ADAMTS12: variants seen among roughly 807,000 people sequenced by gnomAD.
The protein encoded by ADAMTS12 is A disintegrin and metalloproteinase with thrombospondin motifs 12.
Under a neutral mutation model 167.8 loss-of-function variants are expected in ADAMTS12, and 118 were observed. The ratio of observed to expected loss-of-function variants is 0.70; its 90% CI spans 0.61 to 0.82. The LOEUF is 0.82. Among genes scored for constraint, ADAMTS12 ranks in the 40% least tolerant of loss-of-function variants. The pLI is 0.00. For synonymous variants in ADAMTS12, 704 were observed against 716.9 expected, an observed-to-expected ratio of 0.98 and a Z score of 0.29; for missense variants, 1,916 against 1,998.8, an observed-to-expected ratio of 0.96 and a Z score of 0.79.
chr5:33,855,121 A>G (rs1426740063), intron 2 of ADAMTS12, among the ~76,000 whole-genome samples: 9 of 152,234 alleles, frequency 5.9e-5, no homozygotes, highest in Admixed American at 5.9e-4. Flanking sequence ...GCATTCAAGA[A>G]CAAGAGGGCA....
intron 3 of ADAMTS12, among the ~76,000 whole-genome samples, chr5:33,732,591 T>C (rs528310810): frequency 6.4e-4 from 97 of 152,328 alleles, no homozygotes; most frequent in African/African-American, 2.3e-3. Flanking sequence ...ACTCCTGATA[T>C]AGCATATTTT....
intron 22 of ADAMTS12, 69 bp from the exon 23 acceptor site, chr5:33,535,061 C>A (rs558267851): frequency 2.1e-6 from 3 of 1,450,962 alleles, no homozygotes; most frequent in African/African-American, 2.9e-5. Context: ...CAGTAGAACA[C>A]CTCCAATCCC....
intron 16 of ADAMTS12, among the ~76,000 whole-genome samples, chr5:33,608,664 G>A (rs1335834195): frequency 3.3e-5 from 5 of 152,128 alleles, no homozygotes; most frequent in Admixed American, 3.3e-4. Flanking sequence ...CCACCCAGAG[G>A]TACAGACAAA....
chr5:33,683,952 T>C lies in ADAMTS12; in HGVS notation c.738A>G (p.Arg246=), dbSNP rs1742225632. The C allele has an allele frequency of 1.2e-6, 2 of 1,612,804 alleles. No homozygotes were observed. Among genetic ancestry groups the C allele is most frequent in the East Asian group, 4.5e-5 (2 of 44,748 alleles). The part of the protein sequence containing the change: ...SLSRRSISKE[R]WVETLVVADT... ...CGGCCACCACCAGTGTCTCCACCCA[T>C]CTCTCCTTGCTGATGGAACGCCGAG... is the stretch of plus-strand genomic sequence containing the variant. The change falls in exon 4 of 24, where the codon AGA becomes AGG. Residue 246 remains arginine, a synonymous_variant. Transcript: ENST00000504830.
chr5:33,576,007 T>G (rs767143559), intron 19 of ADAMTS12, 47 bp downstream of exon 19: 1 of 1,554,366 alleles, frequency 6.4e-7, no homozygotes, highest in Non-Finnish European at 8.7e-7. Flanking sequence ...TTAACACTCC[T>G]AGCTTTTTTC....
chr5:33,782,296 A>C (rs1746162829), intron 2 of ADAMTS12, among the ~76,000 whole-genome samples: 1 of 151,966 alleles, frequency 6.6e-6, no homozygotes, highest in Non-Finnish European at 1.5e-5. Context: ...AAATAGTTTA[A>C]AAATATGGTT....
At chr5:33,828,922 T>C (rs1049782629) in intron 2 of ADAMTS12, among the ~76,000 whole-genome samples, 2 of 152,188 alleles carry the variant, frequency 1.3e-5, no homozygotes, top group Non-Finnish European at 2.9e-5. Context: ...ATCCTTGATT[T>C]ATCTTTTCCT....
intron 19 of ADAMTS12, among the ~76,000 whole-genome samples, chr5:33,562,727 G>A (rs1265221702): frequency 6.6e-6 from 1 of 151,554 alleles, no homozygotes; most frequent in Admixed American, 6.6e-5. Context: ...TGCCTCCCAA[G>A]TTCAAGCAAT....
intron 2 of ADAMTS12, among the ~76,000 whole-genome samples, chr5:33,781,397 A>C (rs1181059877): frequency 1.3e-5 from 2 of 152,090 alleles, no homozygotes; most frequent in Non-Finnish European, 2.9e-5. Context: ...GATCTTACTA[A>C]ATGCCTGTTC....
At chr5:33,535,265 T>G (rs1744333909) in intron 22 of ADAMTS12, among the ~76,000 whole-genome samples, 1 of 152,224 alleles carries the variant, frequency 6.6e-6, no homozygotes, top group Non-Finnish European at 1.5e-5. Context: ...GAGAATGGCC[T>G]GATGCCTTTC....
chr5:33,614,215 T>G (rs1179940883), intron 16 of ADAMTS12, 23 bp downstream of exon 16: 1 of 1,610,960 alleles, frequency 6.2e-7, no homozygotes, highest in Non-Finnish European at 8.5e-7. Flanking sequence ...CATGGCTTCA[T>G]AGTGAGAGCA....
intron 2 of ADAMTS12, among the ~76,000 whole-genome samples, chr5:33,854,409 A>G (rs903914031): frequency 1.3e-5 from 2 of 151,708 alleles, no homozygotes; most frequent in African/African-American, 4.8e-5. Flanking sequence ...GATAAACACC[A>G]GAAGGGAGTA....
chr5:33,610,864 T>G (rs1475478369), intron 16 of ADAMTS12, among the ~76,000 whole-genome samples: 1 of 152,020 alleles, frequency 6.6e-6, no homozygotes, highest in African/African-American at 2.4e-5. Flanking sequence ...GTTGGGAGTT[T>G]GAGACCAGCC....
intron 18 of ADAMTS12, among the ~76,000 whole-genome samples, chr5:33,585,143 G>A (rs1223885940): frequency 6.6e-6 from 1 of 152,112 alleles, no homozygotes; most frequent in Non-Finnish European, 1.5e-5. Flanking sequence ...TTGGAGCCAT[G>A]ATTAAAAATC....
intron 20 of ADAMTS12, among the ~76,000 whole-genome samples, chr5:33,556,070 C>T (rs1169214194): frequency 6.6e-6 from 1 of 152,190 alleles, no homozygotes; most frequent in East Asian, 1.9e-4. Context: ...TTGTCCAGGG[C>T]CTTGTTTAGT....
At chr5:33,763,260 A>G (rs1216581867) in intron 2 of ADAMTS12, among the ~76,000 whole-genome samples, 3 of 152,180 alleles carry the variant, frequency 2.0e-5, no homozygotes, top group Non-Finnish European at 4.4e-5. Context: ...GTCCTGCACC[A>G]TCAGAGTTGA....
intron 5 of ADAMTS12, among the ~76,000 whole-genome samples, chr5:33,663,090 C>G (rs1002145739): frequency 1.3e-5 from 2 of 152,268 alleles, no homozygotes; most frequent in African/African-American, 4.8e-5. Context: ...GTCTCCTCGT[C>G]ATAAGTAACT....
intron 3 of ADAMTS12, among the ~76,000 whole-genome samples, chr5:33,723,785 G>A (rs1227891707): frequency 3.3e-5 from 5 of 152,188 alleles, no homozygotes; most frequent in African/African-American, 1.2e-4. Flanking sequence ...AATGACCTGT[G>A]CATGGATGTG....
At chr5:33,695,425 T>C (rs1345615183) in intron 3 of ADAMTS12, among the ~76,000 whole-genome samples, 3 of 152,152 alleles carry the variant, frequency 2.0e-5, no homozygotes, top group Non-Finnish European at 4.4e-5. Flanking sequence ...AATCGTGACA[T>C]AGAGATTTAT....
Sources: allele counts gnomAD v4.1 joint callset (sites outside exome capture counted in the v4.1 genomes callset), GRCh38; gene constraint gnomAD v4.1.1; transcripts MANE v1.5; gene names NCBI Gene and HGNC (gene_info 2026-07-23, HGNC 2026-07-21).